Variants in FAM149A observed in about 807,000 individuals in gnomAD.
FAM149A encodes the protein family with sequence similarity 149 member A.
In FAM149A, 71 loss-of-function variants were observed where a neutral mutation model predicts 78.2. The ratio of observed to expected loss-of-function variants is 0.91; its 90% CI spans 0.75 to 1.11. The LOEUF is 1.11. Among genes scored for constraint, FAM149A ranks in the 50% least tolerant of loss-of-function variants. The pLI, the probability that FAM149A is intolerant of heterozygous loss-of-function variation, is 0.00. For missense variants in FAM149A, 1,036 were observed against 971.0 expected (o/e 1.07, Z -0.89); for synonymous variants, 446 against 410.5 (o/e 1.09, Z -1.04).
Position 186,105,259 on chromosome 4 carries a change from C to G in FAM149A, c.183C>G (p.Asp61Glu), listed in dbSNP as rs890268435. The G allele has an allele frequency of 3.0e-5, 37 of 1,214,146 alleles. No homozygotes were observed. The African/African-American group carries it at 5.6e-4, about 18-fold the overall frequency. The allele number at this position is 1,214,146 out of a possible 1,614,324, so 75.2% of individuals were successfully genotyped here. ...CCCTCCTCCGCGCCCTGGCTCCGGA[C>G]TCCCCCTCCGCCTCGCGGCGGTCGC... Residue 61 changes from aspartate (D) to glutamate (E), a missense_variant, in exon 1 of 14, where the codon GAC (aspartate) becomes GAG (glutamate). By Grantham distance (45) the Asp-to-Glu change is conservative. Around this residue, in one of 3 missense-constraint regions of FAM149A, gnomAD observed 316 missense variants for 241.9 expected, o/e 1.31. Transcript: ENST00000389354.
At chr4:186,159,256 A>G (rs1160426581) in intron 8 of FAM149A, among the ~76,000 whole-genome samples, 1 of 152,120 alleles carries the variant, frequency 6.6e-6, no homozygotes, top group Non-Finnish European at 1.5e-5. Flanking sequence ...GCAAAAAAAA[A>G]CAAAAACAAA....
chr4:186,124,589 G>T (rs867621175), intron 1 of FAM149A, among the ~76,000 whole-genome samples: 153 of 152,244 alleles, frequency 1.0e-3, no homozygotes, highest in African/African-American at 3.5e-3. Flanking sequence ...CAAAGGACAT[G>T]ACCTCATCCT....
intron 1 of FAM149A, chr4:186,123,087 A>C: frequency 3.5e-6 from 1 of 284,586 alleles, no homozygotes; most frequent in Non-Finnish European, 5.3e-6. Flanking sequence ...AAGACGGAGG[A>C]GATACTTTCA....
intron 3 of FAM149A, chr4:186,151,097 C>T (rs1733541315): frequency 3.1e-6 from 3 of 983,274 alleles, no homozygotes; most frequent in Non-Finnish European, 2.4e-6. Flanking sequence ...TCAGGGGAGC[C>T]GGCAGGGCAG....
chr4:186,106,612 A>G (rs569769234), intron 1 of FAM149A, among the ~76,000 whole-genome samples: 1 of 152,228 alleles, frequency 6.6e-6, no homozygotes, highest in Admixed American at 6.5e-5. Flanking sequence ...TCACAATTTA[A>G]ATAATTACAG....
rs144229720 is a variant in FAM149A at position 186,156,049 on chromosome 4, C to T, written c.1279C>T (p.Arg427Cys). The T allele has an allele frequency of 1.1e-4, 178 of 1,613,752 alleles. 1 individual carries two copies. In the African/African-American group the frequency reaches 2.1e-3, roughly 19 times the overall value. ...ACCAGCTCAGCCCGGTAGGAAATGG[C>T]GCAAACTCGGACTTCCTCCTGTTTC... The change falls in exon 7 of 14, where the codon CGC becomes TGC. Residue 427 changes from arginine to cysteine, a missense_variant. Arg to Cys is a radical substitution (Grantham distance 180, BLOSUM62 -3). Around this residue, in one of 3 missense-constraint regions of FAM149A, gnomAD observed 716 missense variants for 711.8 expected, o/e 1.01. Coordinates refer to ENST00000389354, the MANE Select transcript of FAM149A (RefSeq NM_001367768.3).
Position 186,105,561 on chromosome 4 carries a change from C to T in FAM149A, c.485C>T (p.Ala162Val), listed in dbSNP as rs1290144891. 11 of 1,130,832 alleles carry T rather than the reference C, an allele frequency of 9.7e-6. No individual in the cohort carries two copies. The highest frequency in any genetic ancestry group is 1.1e-5 in the Non-Finnish European group (10 of 917,918). 70.0% of individuals were successfully genotyped at this position (1,130,832 alleles called of 1,614,324 possible). The change falls in exon 1 of 14, where the codon GCT becomes GTT. Residue 162 changes from alanine to valine, a missense_variant. Around this residue, in one of 3 missense-constraint regions of FAM149A, gnomAD observed 316 missense variants for 241.9 expected, o/e 1.31. Transcript: ENST00000389354. ...CTCGGCGCCTGCGTGGCCCCCGGGG[C>T]TGGCCCCAGAACCCTGTTCCTTACG...
intron 10 of FAM149A, among the ~76,000 whole-genome samples, 184 bp from the exon 11 acceptor site, chr4:186,165,160 A>G (rs1353520508): frequency 6.6e-6 from 1 of 152,152 alleles, no homozygotes; most frequent in Admixed American, 6.5e-5. Context: ...ACATTTTCCC[A>G]TAGTTATCAG....
At position 186,105,247 on chromosome 4, in the gene FAM149A, C is replaced by A; in HGVS notation, c.171C>A (p.Ala57=). 1 of 1,229,340 alleles carries A rather than the reference C, an allele frequency of 8.1e-7. No homozygotes were observed. Among genetic ancestry groups the A allele is most frequent in the South Asian group, 1.4e-5 (1 of 73,902 alleles). The allele number at this position is 1,229,340 out of a possible 1,614,324, so 76.2% of individuals were successfully genotyped here. ...GTACCGCCCCGACCCTCCTCCGCGC[C>A]CTGGCTCCGGACTCCCCCTCCGCCT... Residue 57 remains alanine (A), a synonymous_variant, in exon 1 of 14, where the codon GCC becomes GCA. Coordinates refer to ENST00000389354, the MANE Select transcript of FAM149A (RefSeq NM_001367768.3).
At chr4:186,113,849 G>A (rs2099312335) in intron 1 of FAM149A, among the ~76,000 whole-genome samples, 1 of 151,728 alleles carries the variant, frequency 6.6e-6, no homozygotes. Flanking sequence ...GTGGTGTGGT[G>A]CTGAAAAAAA....
chr4:186,149,798 AG>A (rs1733326076), intron 3 of FAM149A, 94 bp downstream of exon 3: 1 of 895,390 alleles, frequency 1.1e-6, no homozygotes, highest in Non-Finnish European at 1.5e-6. Context: ...CAATTATAAA[AG>A]CATGACCTAT....
In FAM149A at chr4:186,174,375, T is replaced by C. The variant is rs1174847610; in HGVS notation, c.*2388T>C. Reference sequence around the variant, plus strand: ...GCATTAGTTTGCTAAGGATAATGACTTCCAGCTCCAGCCATGCCTCTGCAA... The same window carrying C: ...GCATTAGTTTGCTAAGGATAATGACCTCCAGCTCCAGCCATGCCTCTGCAA... On this transcript the variant is annotated 3_prime_UTR_variant, in exon 14 of 14. Transcript: ENST00000389354. 4.5e-5 allele frequency among the ~76,000 whole-genome samples: 5 copies of C among 111,272 alleles called. 2 individuals are homozygous for C. The highest frequency in any genetic ancestry group is 1.4e-4 in the African/African-American group (5 of 35,392). The allele number at this position is 111,272 out of a possible 152,430, so 73.0% of individuals were successfully genotyped here.
Position 186,137,021 on chromosome 4 carries a change from A to ACTCTC in FAM149A, c.567-12152_567-12151insCTCTC, listed in dbSNP as rs1554068550. On this transcript the variant is annotated intron_variant, in intron 1 of 13. Coordinates refer to ENST00000389354, the MANE Select transcript of FAM149A (RefSeq NM_001367768.3). ...CTCTCTCTCTCTCTCTCTCTCTCTA[A>ACTCTC]GTGCTTAAAGCAGGGCCTGGTGTGT... 5.7e-4 allele frequency among the ~76,000 whole-genome samples: 53 copies of ACTCTC among 93,748 alleles called. 1 individual carries two copies. In the East Asian group the frequency reaches 5.8e-3, roughly 10 times the overall value. The allele number at this position is 93,748 out of a possible 152,430, so 61.5% of individuals were successfully genotyped here. A position where few individuals can be genotyped will look rare whatever the true frequency, so the allele number is the denominator to read the frequency against.
chr4:186,138,000 C>T (rs905052896), intron 1 of FAM149A, among the ~76,000 whole-genome samples: 1 of 152,054 alleles, frequency 6.6e-6, no homozygotes, highest in African/African-American at 2.4e-5. Flanking sequence ...AAGGAAGTTA[C>T]CAACTTGTAA....
At chr4:186,159,217 T>G (rs970482657) in intron 8 of FAM149A, among the ~76,000 whole-genome samples, 11 of 151,698 alleles carry the variant, frequency 7.3e-5, no homozygotes. Flanking sequence ...TGACACAGGG[T>G]CAGGTGCAAT....
At chr4:186,105,856 TTC>T (rs1327364515) in intron 1 of FAM149A, among the ~76,000 whole-genome samples, 2 of 152,242 alleles carry the variant, frequency 1.3e-5, no homozygotes, top group Non-Finnish European at 2.9e-5. Context: ...TTGTCCAGCT[TTC>T]TCAGAGTGAA....
intron 1 of FAM149A, among the ~76,000 whole-genome samples, chr4:186,124,746 C>T (rs574447089): frequency 2.1e-3 from 319 of 152,252 alleles, no homozygotes; most frequent in African/African-American, 7.3e-3. Context: ...GTCTTTATAG[C>T]AGCATGATTT....
chr4:186,144,959 GCGGGT>G lies in FAM149A; in HGVS notation c.567-4213_567-4209del. On this transcript the variant is annotated intron_variant, in intron 1 of 13. Transcript: ENST00000389354. The surrounding 1 kb of genome is among the most constrained non-coding windows in gnomAD (Gnocchi z 4.2). ...GGCGCGGGCGCGGGCGCGGGCGCGG[GCGGGT>G]GGGGAGCCCCAGCCCCGGGGCCGCG... 1 of 947,298 alleles carries G rather than the reference GCGGGT, an allele frequency of 1.1e-6. No homozygotes were observed. The allele number at this position is 947,298 out of a possible 1,614,324, so 58.7% of individuals were successfully genotyped here. A position where few individuals can be genotyped will look rare whatever the true frequency, so the allele number is the denominator to read the frequency against.
At chr4:186,163,096 A>G in intron 9 of FAM149A, 148 bp downstream of exon 9, 3 of 635,994 alleles carry the variant, frequency 4.7e-6, no homozygotes, top group Admixed American at 2.9e-5. Flanking sequence ...AAGAGCAGAA[A>G]CAGACCCTTT....
Sources: allele counts gnomAD v4.1 joint callset (sites outside exome capture counted in the v4.1 genomes callset), GRCh38; gene constraint gnomAD v4.1.1; regional missense constraint gnomAD v4.1.1; non-coding constraint Gnocchi (gnomAD v3.1); transcripts MANE v1.5; gene names NCBI Gene and HGNC (gene_info 2026-07-23, HGNC 2026-07-21).